DNAH3: variants seen among roughly 807,000 people sequenced by gnomAD.
DNAH3 encodes the protein dynein axonemal heavy chain 3, also known as axonemal beta dynein heavy chain 3.
A neutral mutation model predicts 432.5 loss-of-function variants in DNAH3; 332 were observed. The observed-to-expected ratio is 0.77, with a 90% CI of 0.70 to 0.84. The LOEUF is 0.84. Ranked by LOEUF, DNAH3 falls within the 40% of genes least tolerant of loss-of-function variation. The probability of loss-of-function intolerance (pLI) is 0.00; values close to 1 mark genes in which losing one functional copy is unlikely to be tolerated. For missense variants in DNAH3, 4,861 were observed against 5,114.0 expected, an observed-to-expected ratio of 0.95 and a Z score of 1.51; for synonymous variants, 1,956 against 1,900.2, an observed-to-expected ratio of 1.03 and a Z score of -0.76.
chr16:21,022,700 A>G (rs949428799), intron 39 of DNAH3, among the ~76,000 whole-genome samples: 40 of 149,738 alleles, frequency 2.7e-4, no homozygotes, highest in African/African-American at 9.8e-4. Context: ...GCTTTTTTAA[A>G]CCTTTGTTAT....
At chr16:20,961,513 A>T (rs2084816574) in intron 53 of DNAH3, among the ~76,000 whole-genome samples, 1 of 147,574 alleles carries the variant, frequency 6.8e-6, no homozygotes, top group East Asian at 2.0e-4. Context: ...ATAAATGAAT[A>T]AAAAAATAAA....
intron 35 of DNAH3, among the ~76,000 whole-genome samples, chr16:21,035,107 AT>A (rs2089098407): frequency 6.6e-6 from 1 of 152,184 alleles, no homozygotes; most frequent in African/African-American, 2.4e-5. Context: ...TGGGGGGATC[AT>A]TTGAGGTCAG....
intron 55 of DNAH3, 93 bp downstream of exon 55, chr16:20,954,720 C>G: frequency 1.4e-6 from 2 of 1,436,472 alleles, no homozygotes; most frequent in Non-Finnish European, 1.9e-6. Context: ...GCAACCCTAT[C>G]TGAGCGCAAG....
intron 38 of DNAH3, among the ~76,000 whole-genome samples, chr16:21,025,641 G>A (rs1483304230): frequency 1.3e-5 from 2 of 151,576 alleles, no homozygotes; most frequent in South Asian, 4.2e-4. Flanking sequence ...TTATATAGTT[G>A]CATGTCAGTG....
chr16:20,966,841 A>C (rs983132470), intron 52 of DNAH3, among the ~76,000 whole-genome samples: 3 of 152,166 alleles, frequency 2.0e-5, no homozygotes, highest in Non-Finnish European at 2.9e-5. Context: ...AGGCTGGAAG[A>C]AGCAGCTTGC....
chr16:21,116,225 C>T (rs1463755318), intron 12 of DNAH3, among the ~76,000 whole-genome samples: 2 of 152,016 alleles, frequency 1.3e-5, no homozygotes, highest in Non-Finnish European at 2.9e-5. Context: ...TACAGGATCA[C>T]CCTAAACTAG....
intron 6 of DNAH3, among the ~76,000 whole-genome samples, chr16:21,134,801 C>T (rs941616848): frequency 6.6e-6 from 1 of 152,290 alleles, no homozygotes; most frequent in African/African-American, 2.4e-5. Flanking sequence ...ATTCTCCTGC[C>T]TCAGCCTCCT....
chr16:21,073,481 G>A (rs74813399), intron 21 of DNAH3, among the ~76,000 whole-genome samples: 13,740 of 152,012 alleles, frequency 0.09, 736 homozygotes, highest in South Asian at 0.18. Context: ...GAGGCCCTGT[G>A]CCCTCAGCTC....
chr16:21,090,605 T>C (rs752575397), intron 18 of DNAH3, among the ~76,000 whole-genome samples: 2 of 152,174 alleles, frequency 1.3e-5, no homozygotes, highest in Non-Finnish European at 2.9e-5. Context: ...TGGATGGAAC[T>C]GGAGGACATT....
At chr16:21,068,342 T>A (rs2090653552) in intron 23 of DNAH3, among the ~76,000 whole-genome samples, 1 of 142,492 alleles carries the variant, frequency 7.0e-6, no homozygotes, top group Admixed American at 7.1e-5. Context: ...GGGGACAGAG[T>A]CTCGCTCTGT....
intron 28 of DNAH3, among the ~76,000 whole-genome samples, 192 bp from the exon 29 acceptor site, chr16:21,052,060 C>T (rs771858139): frequency 7.2e-5 from 11 of 152,068 alleles, no homozygotes; most frequent in Non-Finnish European, 1.5e-4. Context: ...GGCGCGATCT[C>T]GGCTCATTGC....
At chr16:20,981,189 C>A (rs1318559269) in intron 49 of DNAH3, among the ~76,000 whole-genome samples, 1 of 152,154 alleles carries the variant, frequency 6.6e-6, no homozygotes, top group African/African-American at 2.4e-5. Flanking sequence ...CCTGCTCATC[C>A]CACTGGGGTT....
chr16:21,139,320 CTTTTTTTTTTT>C (rs9302391), intron 5 of DNAH3, among the ~76,000 whole-genome samples: 12 of 29,632 alleles, frequency 4.0e-4, no homozygotes, highest in African/African-American at 1.6e-3. Context: ...TTTCCTCATG[CTTTTTTTTTTT>C]TTTTTTTTTT....
At chr16:21,073,265 G>A (rs1209939833) in intron 21 of DNAH3, among the ~76,000 whole-genome samples, 1 of 152,192 alleles carries the variant, frequency 6.6e-6, no homozygotes, top group Non-Finnish European at 1.5e-5. Context: ...TCCCCATTTA[G>A]CTACTGATCC....
rs114916676 is a variant in DNAH3, at chr16:20,947,615, C to A, written c.11343+868G>T. On this transcript the variant is annotated intron_variant, in intron 57 of 61. Transcript: ENST00000261383. ...GAATTAGAGGACACCCAGTTGGTGTCCACTGCTTAATGTGTGGGGAAGGGG... is the reference window on the plus strand; with the variant it reads ...GAATTAGAGGACACCCAGTTGGTGTACACTGCTTAATGTGTGGGGAAGGGG... Among the ~76,000 whole-genome samples, 439 of 152,152 alleles carry A rather than the reference C, an allele frequency of 2.9e-3. 4 individuals are homozygous for A. Among genetic ancestry groups the A allele is most frequent in the African/African-American group, 0.01 (416 of 41,492 alleles).
chr16:20,977,135 G>A (rs1377114769), intron 50 of DNAH3, among the ~76,000 whole-genome samples: 2 of 152,152 alleles, frequency 1.3e-5, no homozygotes, highest in African/African-American at 2.4e-5. Flanking sequence ...AGCACTTTGG[G>A]AGGCTGAGGT....
intron 56 of DNAH3, 81 bp from the exon 57 acceptor site, chr16:20,948,718 C>A: frequency 6.8e-7 from 1 of 1,481,006 alleles, no homozygotes. Context: ...ACACGGCATT[C>A]TTCCGGCCAA....
chr16:21,139,573 G>A (rs1057310769), intron 5 of DNAH3, among the ~76,000 whole-genome samples: 2 of 151,364 alleles, frequency 1.3e-5, no homozygotes, highest in African/African-American at 4.9e-5. Context: ...GCTTCCCAGG[G>A]ACAAGTGATC....
chr16:20,988,955 G>A (rs1416831951), intron 44 of DNAH3, among the ~76,000 whole-genome samples: 2 of 152,104 alleles, frequency 1.3e-5, no homozygotes, highest in Non-Finnish European at 2.9e-5. Context: ...CGGTGGACTC[G>A]TGGTCTCGCT....
Sources: allele counts gnomAD v4.1 joint callset (sites outside exome capture counted in the v4.1 genomes callset), GRCh38; gene constraint gnomAD v4.1.1; transcripts MANE v1.5; gene names NCBI Gene and HGNC (gene_info 2026-07-23, HGNC 2026-07-21).